G2E3: variants seen among roughly 807,000 people sequenced by gnomAD.
G2E3 encodes the protein G2/M phase-specific E3 ubiquitin-protein ligase.
Under a neutral mutation model 92.8 loss-of-function variants are expected in G2E3, and 35 were observed. The ratio of observed to expected loss-of-function variants is 0.38; its 90% CI spans 0.29 to 0.50. G2E3 has a LOEUF of 0.50. Among genes scored for constraint, G2E3 ranks in the 20% least tolerant of loss-of-function variants. The pLI is 0.94. For synonymous variants in G2E3, 242 were observed against 272.4 expected, an observed-to-expected ratio of 0.89 and a Z score of 1.10; for missense variants, 554 against 823.8, an observed-to-expected ratio of 0.67 and a Z score of 4.01.
rs751193588 is a variant in G2E3, at chr14:30,616,704, G to T, written c.*170G>T. The T allele has an allele frequency of 8.0e-6, 4 of 499,204 alleles. No individual in the cohort carries two copies. The highest frequency in any genetic ancestry group is 1.0e-5 in the Non-Finnish European group (3 of 291,400). 30.9% of individuals were successfully genotyped at this position (499,204 alleles called of 1,614,324 possible). ...TTATAGCCACTTAGGCTAAAAAAAG[G>T]TTTTTTTTGTTAAAGCATACTAGTC... On this transcript the variant is annotated 3_prime_UTR_variant, in exon 15 of 15. Coordinates refer to ENST00000206595, the MANE Select transcript of G2E3 (RefSeq NM_017769.5).
chr14:30,590,309 T>C (rs548596542), intron 4 of G2E3, among the ~76,000 whole-genome samples: 1 of 152,074 alleles, frequency 6.6e-6, no homozygotes, highest in South Asian at 2.1e-4. Flanking sequence ...CCATAAATGC[T>C]GAAGTTGTTT....
At position 30,618,102 on chromosome 14, in the gene G2E3, AC is replaced by A. The variant is rs1480196589; in HGVS notation, c.*1569del. ...ATATATCTCTTAATACCAAAGGAAA[AC>A]TAAAACATAATTCTAGTGTACTTTT... On this transcript the variant is annotated 3_prime_UTR_variant, in exon 15 of 15. Coordinates refer to ENST00000206595, the MANE Select transcript of G2E3 (RefSeq NM_017769.5). 1 of 152,080 alleles carries A rather than the reference AC, an allele frequency of 6.6e-6. No homozygotes were observed. Among genetic ancestry groups the A allele is most frequent in the African/African-American group, 2.4e-5 (1 of 41,432 alleles). 9.4% of individuals were successfully genotyped at this position (152,080 alleles called of 1,614,324 possible).
intron 12 of G2E3, chr14:30,611,277 A>G (rs1882075772): frequency 1.3e-5 from 2 of 152,218 alleles, no homozygotes; most frequent in Admixed American, 1.3e-4. Flanking sequence ...ACATATACCC[A>G]ATTATTACTC....
intron 3 of G2E3, among the ~76,000 whole-genome samples, chr14:30,588,482 T>G (rs1210913071): frequency 6.6e-6 from 1 of 152,100 alleles, no homozygotes; most frequent in Non-Finnish European, 1.5e-5. Flanking sequence ...ACATTTAAGT[T>G]GATCAGATCA....
At chr14:30,590,872 T>C in intron 4 of G2E3, 1 of 322,552 alleles carries the variant, frequency 3.1e-6, no homozygotes, top group Non-Finnish European at 6.2e-6. Flanking sequence ...TGAATATCCC[T>C]TATCCAAAAT....
Position 30,602,055 on chromosome 14 carries a change from A to G in G2E3, c.934A>G (p.Thr312Ala), listed in dbSNP as rs746606018. Reference protein sequence around the residue: ...VLPNSNNVGITDCLLEESSPK... With the variant: ...VLPNSNNVGIADCLLEESSPK... ...ACCCAATTCTAATAATGTGGGGATT[A>G]CAGATTGTTTGTTGGAAGAGTCATC... The change falls in exon 10 of 15, where the codon ACA becomes GCA. Residue 312 changes from threonine to alanine, a missense_variant. This residue lies in a region of G2E3 where 397 missense variants were observed against 560.3 expected (regional missense o/e 0.71). Transcript: ENST00000206595. The G allele has an allele frequency of 6.2e-7, 1 of 1,611,436 alleles. No individual in the cohort carries two copies. Among genetic ancestry groups the G allele is most frequent in the Non-Finnish European group, 8.5e-7 (1 of 1,177,670 alleles).
intron 1 of G2E3, chr14:30,573,479 ATTAAT>A (rs1482264001): frequency 1.3e-5 from 2 of 151,640 alleles, no homozygotes; most frequent in African/African-American, 4.9e-5. Flanking sequence ...GGAAGGATTG[ATTAAT>A]TTATTATAAG....
chr14:30,607,724 T>C (rs1881897804), intron 11 of G2E3, among the ~76,000 whole-genome samples, 164 bp from the exon 12 acceptor site: 1 of 152,158 alleles, frequency 6.6e-6, no homozygotes, highest in African/African-American at 2.4e-5. Flanking sequence ...AAAATGTGTC[T>C]TTTTTTATAT....
intron 10 of G2E3, 132 bp from the exon 11 acceptor site, chr14:30,605,373 T>C (rs900378510): frequency 6.7e-6 from 3 of 449,492 alleles, no homozygotes; most frequent in Non-Finnish European, 1.2e-5. Context: ...GTTACAATTT[T>C]GGGTGGGAAT....
intron 8 of G2E3, among the ~76,000 whole-genome samples, chr14:30,599,812 T>G (rs2138875067): frequency 6.6e-6 from 1 of 152,356 alleles, no homozygotes; most frequent in Non-Finnish European, 1.5e-5. Context: ...AATTTTAAAT[T>G]ACATATATGG....
At chr14:30,579,105 C>T (rs1254135399) in intron 1 of G2E3, among the ~76,000 whole-genome samples, 1 of 152,052 alleles carries the variant, frequency 6.6e-6, no homozygotes, top group African/African-American at 2.4e-5. Flanking sequence ...AATGTATAAA[C>T]ATCAAAAGCG....
chr14:30,602,181 T>G, intron 10 of G2E3, 50 bp downstream of exon 10: 1 of 1,409,880 alleles, frequency 7.1e-7, no homozygotes. Flanking sequence ...TGGAGAAAAT[T>G]ATGATAGGAA....
chr14:30,563,694 TTTGTGTGTGTGTGTG>T (rs1362676787), intron 1 of G2E3, among the ~76,000 whole-genome samples: 1 of 125,906 alleles, frequency 7.9e-6, no homozygotes, highest in African/African-American at 3.3e-5. Context: ...CTTTGTTACT[TTTGTGTGTGTGTGTG>T]TGTGTGTGTG....
intron 2 of G2E3, 75 bp from the exon 3 acceptor site, chr14:30,586,643 A>G: frequency 1.9e-6 from 1 of 527,416 alleles, no homozygotes; most frequent in Non-Finnish European, 3.3e-6. Context: ...AGAAATTTAG[A>G]GAAGCACCAA....
At chr14:30,572,936 A>G (rs1213762822) in intron 1 of G2E3, among the ~76,000 whole-genome samples, 1 of 152,140 alleles carries the variant, frequency 6.6e-6, no homozygotes, top group African/African-American at 2.4e-5. Flanking sequence ...TACTCTTTCT[A>G]CTATACCATG....
intron 2 of G2E3, among the ~76,000 whole-genome samples, chr14:30,585,417 C>A (rs1880655677): frequency 6.6e-6 from 1 of 152,142 alleles, no homozygotes; most frequent in Admixed American, 6.5e-5. Context: ...TGAGACTATT[C>A]TTTCACCATT....
chr14:30,567,206 G>C (rs919668199), intron 1 of G2E3, among the ~76,000 whole-genome samples: 1 of 152,098 alleles, frequency 6.6e-6, no homozygotes, highest in Non-Finnish European at 1.5e-5. Flanking sequence ...GTTAGGAAGT[G>C]TCATAATATC....
rs540722218 is a variant in G2E3, at chr14:30,578,968, T to C, written c.-4-2108T>C. On this transcript the variant is annotated intron_variant, in intron 1 of 14. Transcript: ENST00000206595. Reference sequence around the variant, plus strand: ...TTTGTTGAAAATGACTGGAAAAATATGGATCTGTTTCTGAGTTTTATTGAG... The same window carrying C: ...TTTGTTGAAAATGACTGGAAAAATACGGATCTGTTTCTGAGTTTTATTGAG... 2.0e-5 allele frequency among the ~76,000 whole-genome samples: 3 copies of C among 152,326 alleles called. No homozygotes were observed. In the South Asian group the frequency reaches 6.2e-4, roughly 32 times the overall value.
intron 3 of G2E3, 121 bp downstream of exon 3, chr14:30,586,936 A>G (rs1209711428): frequency 2.2e-5 from 9 of 407,680 alleles, no homozygotes; most frequent in East Asian, 7.5e-5. Context: ...CATTTTGTCT[A>G]TCTCTAAAAA....
Sources: gnomAD v4.1 joint callset for allele counts (sites outside exome capture counted in the v4.1 genomes callset) on GRCh38, gnomAD v4.1.1 for gene constraint, gnomAD v4.1.1 regional missense constraint, MANE v1.5 for transcripts, NCBI Gene and HGNC (gene_info 2026-07-23, HGNC 2026-07-21) for gene names.